SYNE2: variants seen among roughly 807,000 people sequenced by gnomAD.
SYNE2 encodes the protein nesprin-2.
A neutral mutation model predicts 856.3 loss-of-function variants in SYNE2; 431 were observed. The ratio of observed to expected loss-of-function variants is 0.50; its 90% confidence interval spans 0.47 to 0.55. The LOEUF (loss-of-function observed/expected upper bound fraction) is 0.55. Among genes scored for constraint, SYNE2 ranks in the 20% least tolerant of loss-of-function variants. The pLI is 0.00. For synonymous variants in SYNE2, 2,923 were observed against 2,872.3 expected (o/e 1.02, Z -0.56); for missense variants, 8,129 against 8,023.2 (o/e 1.01, Z -0.50).
intron 45 of SYNE2, among the ~76,000 whole-genome samples, chr14:64,043,266 A>G (rs2097161800): frequency 6.6e-6 from 1 of 152,238 alleles, no homozygotes; most frequent in Non-Finnish European, 1.5e-5. Flanking sequence ...GGGTGCTGTT[A>G]AAGGCATTCA....
At chr14:63,918,024 A>G (rs2095552278) in intron 2 of SYNE2, among the ~76,000 whole-genome samples, 1 of 152,212 alleles carries the variant, frequency 6.6e-6, no homozygotes, top group African/African-American at 2.4e-5. Flanking sequence ...AAGTGGGTTA[A>G]CAAAGATCTC....
rs1412539673 is a variant in SYNE2, at chr14:63,914,635, A to G, written c.79+5408A>G. On this transcript the variant is annotated intron_variant, in intron 2 of 115. Coordinates refer to ENST00000555002, the MANE Select transcript of SYNE2 (RefSeq NM_182914.3). ...GTGTGAAAGTATGGACAGATAAGAA[A>G]ATCTTTAAGGTGGGAGACACTAGGA... 2.0e-5 allele frequency among the ~76,000 whole-genome samples: 3 copies of G among 152,294 alleles called. No individual in the cohort carries two copies. In the East Asian group the frequency reaches 5.8e-4, roughly 29 times the overall value.
At chr14:63,814,791 TATATATC>T (rs1888817363) in intron 1 of SYNE2, among the ~76,000 whole-genome samples, 1 of 131,046 alleles carries the variant, frequency 7.6e-6, no homozygotes, top group Non-Finnish European at 1.6e-5. Context: ...TATATATCCA[TATATATC>T]CATATATATC....
At chr14:64,016,694 G>A in intron 33 of SYNE2, 63 bp downstream of exon 33, 2 of 1,116,944 alleles carry the variant, frequency 1.8e-6, no homozygotes, top group South Asian at 2.8e-5. Flanking sequence ...TGTATCTTTA[G>A]TATTTTTATT....
intron 31 of SYNE2, among the ~76,000 whole-genome samples, 187 bp from the exon 32 acceptor site, chr14:64,009,779 C>T (rs1481804102): frequency 6.6e-6 from 1 of 152,022 alleles, no homozygotes; most frequent in Non-Finnish European, 1.5e-5. Context: ...AGAGATTATG[C>T]CATCTATTTG....
At chr14:64,110,593 C>G (rs2097798050) in intron 65 of SYNE2, among the ~76,000 whole-genome samples, 1 of 138,478 alleles carries the variant, frequency 7.2e-6, no homozygotes. Context: ...TTTACACCCC[C>G]CCCCCCCCGC....
intron 6 of SYNE2, among the ~76,000 whole-genome samples, chr14:63,947,633 C>G (rs778932317): frequency 3.3e-5 from 5 of 151,838 alleles, no homozygotes; most frequent in Non-Finnish European, 5.9e-5. Flanking sequence ...GTTGGGAGTT[C>G]GAGACCAACC....
At chr14:63,817,088 T>G (rs1414058014) in intron 1 of SYNE2, among the ~76,000 whole-genome samples, 1 of 152,186 alleles carries the variant, frequency 6.6e-6, no homozygotes, top group Non-Finnish European at 1.5e-5. Context: ...CTTTCTGCCC[T>G]TGGATTCGAC....
At chr14:64,191,016 C>T (rs568133690) in intron 99 of SYNE2, 9 of 702,200 alleles carry the variant, frequency 1.3e-5, no homozygotes, top group East Asian at 5.4e-5. Flanking sequence ...ACTGGCCACA[C>T]GGGTCCTTTC....
intron 2 of SYNE2, 104 bp from the exon 3 acceptor site, chr14:63,940,510 G>A: frequency 9.6e-7 from 1 of 1,042,374 alleles, no homozygotes. Flanking sequence ...GTAAGCTTGT[G>A]AAACAGGCAC....
At chr14:63,961,278 A>G (rs1437582746) in intron 8 of SYNE2, among the ~76,000 whole-genome samples, 1 of 152,194 alleles carries the variant, frequency 6.6e-6, no homozygotes, top group Non-Finnish European at 1.5e-5. Flanking sequence ...ATTATTAGAA[A>G]ACGGAGACTG....
intron 1 of SYNE2, among the ~76,000 whole-genome samples, chr14:63,797,537 G>A (rs1887966512): frequency 6.6e-6 from 1 of 151,466 alleles, no homozygotes; most frequent in African/African-American, 2.4e-5. Context: ...CACCTCTTGG[G>A]TTCAAGCAAT....
At chr14:63,785,155 C>A (rs1366594149) in intron 1 of SYNE2, among the ~76,000 whole-genome samples, 3 of 152,084 alleles carry the variant, frequency 2.0e-5, no homozygotes, top group African/African-American at 7.2e-5. Flanking sequence ...TACTTTCACC[C>A]TTAATCGGAA....
chr14:63,892,702 G>A (rs550030853), intron 1 of SYNE2, among the ~76,000 whole-genome samples: 1 of 148,984 alleles, frequency 6.7e-6, no homozygotes, highest in South Asian at 2.1e-4. Context: ...TTGTGTGTGT[G>A]TAAAAAATAA....
Position 64,051,702 on chromosome 14 carries a change from G to A in SYNE2, c.7789G>A (p.Glu2597Lys). 1 of 1,614,198 alleles carries A rather than the reference G, an allele frequency of 6.2e-7. No homozygotes were observed. Among genetic ancestry groups the A allele is most frequent in the Non-Finnish European group, 8.5e-7 (1 of 1,180,036 alleles). Reference sequence around the variant, plus strand: ...GACTGACATGGATAAGAAATTGTTGGAAAGCCAGATTAAGCAACTTGAACA... The same window carrying A: ...GACTGACATGGATAAGAAATTGTTGAAAAGCCAGATTAAGCAACTTGAACA... ...HVTDMDKKLLESQIKQLEHGW... is the reference protein window; with the variant it reads ...HVTDMDKKLLKSQIKQLEHGW... The change falls in exon 48 of 116, where the codon GAA (glutamate) becomes AAA (lysine). Residue 2597 changes from glutamate (E) to lysine (K), a missense_variant. By Grantham distance (56) the Glu-to-Lys change is moderately conservative. Coordinates refer to ENST00000555002, the MANE Select transcript of SYNE2 (RefSeq NM_182914.3).
Position 63,967,850 on chromosome 14 carries a change from A to C in SYNE2, c.1128+4A>C. The C allele has an allele frequency of 1.2e-6, 2 of 1,613,812 alleles. No individual in the cohort carries two copies. Among genetic ancestry groups the C allele is most frequent in the Non-Finnish European group, 1.7e-6 (2 of 1,179,814 alleles). On this transcript the variant is annotated splice_donor_region_variant and intron_variant, in intron 11 of 115. Transcript: ENST00000555002. ...CTGGGATGGCCTCGATCACCAGGTG[A>C]CTGTTTGTGTTGATTAGAAGAATAT... is the stretch of plus-strand genomic sequence containing the variant.
chr14:64,017,793 C>A, intron 34 of SYNE2, 37 bp downstream of exon 34: 1 of 1,599,792 alleles, frequency 6.3e-7, no homozygotes, highest in Non-Finnish European at 8.6e-7. Flanking sequence ...TTTCTTGGTA[C>A]ACAATTGACA....
At chr14:63,944,029 T>C (rs1409847700) in intron 6 of SYNE2, among the ~76,000 whole-genome samples, 2 of 151,772 alleles carry the variant, frequency 1.3e-5, no homozygotes, top group African/African-American at 4.8e-5. Context: ...AATTTGATAG[T>C]TCATGGTCAT....
At chr14:64,021,664 C>A in intron 36 of SYNE2, 149 bp downstream of exon 36, 1 of 1,131,348 alleles carries the variant, frequency 8.8e-7, no homozygotes, top group Non-Finnish European at 1.3e-6. Context: ...GCATTTTCAT[C>A]TTTGAATTGC....
Sources: allele counts gnomAD v4.1 joint callset (sites outside exome capture counted in the v4.1 genomes callset), GRCh38; gene constraint gnomAD v4.1.1; transcripts MANE v1.5; gene names NCBI Gene and HGNC (gene_info 2026-07-23, HGNC 2026-07-21).